GRID2: variants seen among roughly 807,000 people sequenced by gnomAD.
GRID2 encodes glutamate receptor ionotropic, delta-2.
In GRID2, 33 loss-of-function variants were observed where a neutral mutation model predicts 114.8. The ratio of observed to expected loss-of-function variants is 0.29; its 90% CI spans 0.22 to 0.38. GRID2 has a LOEUF of 0.38. Ranked by LOEUF, GRID2 falls within the 10% of genes least tolerant of loss-of-function variation. The pLI, the probability that GRID2 is intolerant of heterozygous loss-of-function variation, is 1.00. For missense variants in GRID2, 1,184 were observed against 1,257.7 expected (o/e 0.94, Z 0.89); for synonymous variants, 505 against 449.9 (o/e 1.12, Z -1.55).
intron 2 of GRID2, among the ~76,000 whole-genome samples, chr4:92,981,423 A>G (rs905886533): frequency 1.3e-5 from 2 of 152,020 alleles, no homozygotes; most frequent in African/African-American, 4.8e-5. Flanking sequence ...TGTACACTTG[A>G]GTAATTCTTG....
intron 2 of GRID2, among the ~76,000 whole-genome samples, chr4:92,827,029 G>A (rs770815497): frequency 2.6e-5 from 4 of 151,944 alleles, no homozygotes; most frequent in Admixed American, 2.6e-4. Context: ...TTATGGGAAG[G>A]CTATTGAAAT....
intron 2 of GRID2, among the ~76,000 whole-genome samples, chr4:92,918,796 A>G (rs553719613): frequency 6.6e-6 from 1 of 152,196 alleles, no homozygotes; most frequent in South Asian, 2.1e-4. Context: ...CATGAGGGAT[A>G]TTGGTCTAAA....
intron 2 of GRID2, among the ~76,000 whole-genome samples, chr4:92,617,228 T>A (rs1000006814): frequency 6.6e-6 from 1 of 151,318 alleles, no homozygotes; most frequent in Non-Finnish European, 1.5e-5. Flanking sequence ...TTTTGTTTTT[T>A]AAAGGATCTA....
intron 8 of GRID2, among the ~76,000 whole-genome samples, chr4:93,349,606 T>C (rs2149258712): frequency 6.6e-6 from 1 of 152,096 alleles, no homozygotes; most frequent in East Asian, 1.9e-4. Context: ...AGAGTCATAG[T>C]CTCCTAATTG....
chr4:93,743,117 G>A (rs1026840518), intron 14 of GRID2, among the ~76,000 whole-genome samples: 4 of 152,146 alleles, frequency 2.6e-5, no homozygotes, highest in Non-Finnish European at 5.9e-5. Context: ...AAGTTTAATT[G>A]GTCTGGATAG....
intron 2 of GRID2, among the ~76,000 whole-genome samples, chr4:92,789,277 G>T (rs555461592): frequency 3.5e-4 from 53 of 151,870 alleles, no homozygotes; most frequent in Non-Finnish European, 6.6e-4. Flanking sequence ...CTATAATGTG[G>T]CTGAGAATTG....
intron 11 of GRID2, among the ~76,000 whole-genome samples, chr4:93,487,908 C>G (rs1726575448): frequency 6.6e-6 from 1 of 151,890 alleles, no homozygotes; most frequent in African/African-American, 2.4e-5. Flanking sequence ...GTCAAGATTC[C>G]CATTACTTTT....
chr4:92,461,924 AC>A (rs1721519125), intron 1 of GRID2, among the ~76,000 whole-genome samples: 1 of 151,936 alleles, frequency 6.6e-6, no homozygotes, highest in South Asian at 2.1e-4. Flanking sequence ...AAATCATACC[AC>A]CAATTATTCC....
intron 2 of GRID2, among the ~76,000 whole-genome samples, chr4:92,727,855 C>A (rs1240514340): frequency 6.6e-6 from 1 of 152,052 alleles, no homozygotes; most frequent in African/African-American, 2.4e-5. Flanking sequence ...ATGAAAAAAA[C>A]TGATACTCAC....
chr4:93,309,960 T>C (rs1755841625), intron 8 of GRID2, among the ~76,000 whole-genome samples: 1 of 152,228 alleles, frequency 6.6e-6, no homozygotes, highest in Non-Finnish European at 1.5e-5. Context: ...TTGTGCAGGG[T>C]GTATATATGC....
downstream of GRID2, among the ~76,000 whole-genome samples, chr4:93,775,930 T>G (rs1734360456): frequency 6.6e-6 from 1 of 152,248 alleles, no homozygotes; most frequent in South Asian, 2.1e-4. Context: ...AATGGTACTT[T>G]GCTTCATCAA....
At chr4:93,591,295 C>G (rs1312627192) in intron 13 of GRID2, among the ~76,000 whole-genome samples, 3 of 151,878 alleles carry the variant, frequency 2.0e-5, no homozygotes, top group Non-Finnish European at 4.4e-5. Context: ...AAGGCCTTTT[C>G]TGCATCTATT....
chr4:92,325,223 G>A (rs1489806703), intron 1 of GRID2, among the ~76,000 whole-genome samples: 2 of 151,750 alleles, frequency 1.3e-5, no homozygotes, highest in Non-Finnish European at 2.9e-5. Flanking sequence ...AGCACTTATG[G>A]ACAATTAATT....
chr4:93,585,227 G>A (rs139345000), intron 13 of GRID2, among the ~76,000 whole-genome samples: 19 of 151,946 alleles, frequency 1.3e-4, no homozygotes, highest in African/African-American at 3.9e-4. Context: ...CTCCTGTTAC[G>A]ATTCTTCAAA....
intron 2 of GRID2, among the ~76,000 whole-genome samples, chr4:92,646,317 T>C (rs1440146395): frequency 1.3e-5 from 2 of 152,226 alleles, no homozygotes; most frequent in Non-Finnish European, 2.9e-5. Flanking sequence ...AATTTGTGGG[T>C]ATTTTCAAAA....
At chr4:92,581,385 G>T (rs1469009667) in intron 1 of GRID2, among the ~76,000 whole-genome samples, 1 of 151,926 alleles carries the variant, frequency 6.6e-6, no homozygotes, top group Non-Finnish European at 1.5e-5. Flanking sequence ...TGCTCCATGT[G>T]GATGACTCAG....
chr4:93,559,938 TG>T, intron 13 of GRID2, among the ~76,000 whole-genome samples: 1 of 152,138 alleles, frequency 6.6e-6, no homozygotes, highest in East Asian at 1.9e-4. Flanking sequence ...GGGACATAGA[TG>T]AAGCTGGAAA....
At chr4:93,006,639 A>C (rs554038183) in intron 2 of GRID2, among the ~76,000 whole-genome samples, 61 of 152,096 alleles carry the variant, frequency 4.0e-4, no homozygotes, top group Middle Eastern at 3.4e-3. Flanking sequence ...GTATAATATC[A>C]AAATATAAAA....
At chr4:93,680,404 G>A (rs1725396631) in intron 14 of GRID2, among the ~76,000 whole-genome samples, 2 of 151,732 alleles carry the variant, frequency 1.3e-5, no homozygotes, top group Non-Finnish European at 2.9e-5. Flanking sequence ...TAGAAAAAGA[G>A]GGAATCCTCC....
Sources: allele counts gnomAD v4.1 joint callset (sites outside exome capture counted in the v4.1 genomes callset), GRCh38; gene constraint gnomAD v4.1.1; transcripts MANE v1.5; gene names NCBI Gene and HGNC (gene_info 2026-07-23, HGNC 2026-07-21).